Variants in SNTG1 observed in about 807,000 individuals in gnomAD.
The protein encoded by SNTG1 is syntrophin gamma 1, also known as gamma-1-syntrophin.
SNTG1 carries 39 observed loss-of-function variants against 74.7 expected under a neutral mutation model. That is an observed-to-expected ratio of 0.52 (90% CI 0.40 to 0.68). The LOEUF is 0.68. Ranked by LOEUF, SNTG1 falls within the 30% of genes least tolerant of loss-of-function variation. The pLI, the probability that SNTG1 is intolerant of heterozygous loss-of-function variation, is 0.00. For missense variants in SNTG1, 685 were observed against 609.5 expected (o/e 1.12, Z -1.30); for synonymous variants, 254 against 217.1 (o/e 1.17, Z -1.49).
chr8:50,507,928 T>C (rs1035789558), intron 9 of SNTG1, among the ~76,000 whole-genome samples: 2 of 150,890 alleles, frequency 1.3e-5, no homozygotes, highest in Admixed American at 6.6e-5. Context: ...TTTCTTTTTT[T>C]TTATTATACT....
intron 1 of SNTG1, among the ~76,000 whole-genome samples, chr8:50,110,452 C>T (rs1045861861): frequency 2.0e-5 from 3 of 152,164 alleles, no homozygotes; most frequent in African/African-American, 4.8e-5. Context: ...TGGTGAGCAA[C>T]ACTTGTGATT....
At chr8:50,781,238 A>T (rs1012718244) in intron 18 of SNTG1, among the ~76,000 whole-genome samples, 2 of 152,176 alleles carry the variant, frequency 1.3e-5, no homozygotes, top group African/African-American at 2.4e-5. Flanking sequence ...TGCAGAGCTG[A>T]GTTCAATTCC....
intron 1 of SNTG1, among the ~76,000 whole-genome samples, chr8:50,075,643 C>G (rs570366736): frequency 6.6e-5 from 10 of 152,284 alleles, no homozygotes; most frequent in African/African-American, 1.2e-4. Flanking sequence ...CGCTGTGGAG[C>G]TTTGTTCTTT....
chr8:50,735,558 A>G (rs879936070), intron 17 of SNTG1, among the ~76,000 whole-genome samples: 1 of 151,990 alleles, frequency 6.6e-6, no homozygotes, highest in Non-Finnish European at 1.5e-5. Flanking sequence ...TAAAGTGTGA[A>G]GACAAGATTA....
intron 1 of SNTG1, among the ~76,000 whole-genome samples, chr8:50,133,920 A>G (rs756576523): frequency 3.9e-5 from 6 of 152,210 alleles, no homozygotes; most frequent in Non-Finnish European, 5.9e-5. Context: ...ACTTCAATGT[A>G]ATTAACAAAA....
intron 16 of SNTG1, 133 bp downstream of exon 16, chr8:50,704,885 T>A: frequency 9.6e-7 from 1 of 1,046,370 alleles, no homozygotes; most frequent in Non-Finnish European, 1.4e-6. Context: ...ATTCTATAAT[T>A]AGCCATTTTT....
At chr8:50,734,312 C>T (rs2095520051) in intron 17 of SNTG1, among the ~76,000 whole-genome samples, 3 of 151,794 alleles carry the variant, frequency 2.0e-5, no homozygotes, top group African/African-American at 7.2e-5. Context: ...TAGAGACTGA[C>T]ATCTTCAGGA....
In SNTG1 at chr8:50,751,981, G is replaced by GT. The variant is rs11429292; in HGVS notation, c.1285-12dup. ...GATATTAATTCCACCGACTTACATTGTTTTTTTTCCCCCCTTTAGGCTGTC... is the reference window on the plus strand; with the variant it reads ...GATATTAATTCCACCGACTTACATTGTTTTTTTTTCCCCCCTTTAGGCTGTC... On this transcript the variant is annotated intron_variant, in intron 17 of 18. Transcript: ENST00000642720. The GT allele has an allele frequency of 0.33, 456,660 of 1,399,730 alleles. 78,378 individuals carry two copies. Among genetic ancestry groups the GT allele is most frequent in the African/African-American group, 0.6 (38,864 of 64,898 alleles). The allele number at this position is 1,399,730 out of a possible 1,614,324, so 86.7% of individuals were successfully genotyped here.
chr8:50,768,801 G>A (rs540958043), intron 18 of SNTG1, among the ~76,000 whole-genome samples: 15 of 152,120 alleles, frequency 9.9e-5, no homozygotes, highest in Non-Finnish European at 1.6e-4. Context: ...GGAGTGCTTC[G>A]TTCTGTAAAA....
intron 13 of SNTG1, among the ~76,000 whole-genome samples, chr8:50,642,241 G>A (rs2095078031): frequency 6.6e-6 from 1 of 152,102 alleles, no homozygotes; most frequent in South Asian, 2.1e-4. Flanking sequence ...ACTCTCTAAA[G>A]CCTTCCCTGC....
chr8:50,702,940 A>G (rs905880781), intron 15 of SNTG1, among the ~76,000 whole-genome samples: 1 of 152,238 alleles, frequency 6.6e-6, no homozygotes, highest in African/African-American at 2.4e-5. Flanking sequence ...GATTTAAAAA[A>G]AAAATGATAC....
intron 1 of SNTG1, among the ~76,000 whole-genome samples, chr8:50,056,499 T>A (rs1264120598): frequency 6.6e-6 from 1 of 152,178 alleles, no homozygotes; most frequent in Non-Finnish European, 1.5e-5. Context: ...GAGTTTGGAA[T>A]CATCTTTCAA....
chr8:50,639,679 TA>T (rs1174821754), intron 13 of SNTG1, among the ~76,000 whole-genome samples: 1 of 152,098 alleles, frequency 6.6e-6, no homozygotes, highest in Non-Finnish European at 1.5e-5. Flanking sequence ...ATGTACATTT[TA>T]AAAATACTTA....
intron 1 of SNTG1, among the ~76,000 whole-genome samples, chr8:50,049,831 G>A (rs1819416652): frequency 6.6e-6 from 1 of 151,924 alleles, no homozygotes. Flanking sequence ...AATGCTTACA[G>A]GTTAATCAAC....
intron 3 of SNTG1, among the ~76,000 whole-genome samples, chr8:50,396,959 G>T (rs933117686): frequency 2.6e-5 from 4 of 152,182 alleles, no homozygotes; most frequent in Admixed American, 1.3e-4. Flanking sequence ...TTGATTTGCA[G>T]AAAGCATAGC....
At chr8:49,972,274 T>C (rs1230218882) in intron 1 of SNTG1, among the ~76,000 whole-genome samples, 1 of 152,110 alleles carries the variant, frequency 6.6e-6, no homozygotes, top group Non-Finnish European at 1.5e-5. Context: ...GAAAGGATTC[T>C]CTATTTAATA....
chr8:50,005,211 A>G (rs1427667166), intron 1 of SNTG1, among the ~76,000 whole-genome samples: 2 of 152,122 alleles, frequency 1.3e-5, no homozygotes, highest in Admixed American at 6.6e-5. Flanking sequence ...TATACATTCT[A>G]AACTAGAAAA....
At chr8:50,275,246 T>C (rs1216233502) in intron 2 of SNTG1, among the ~76,000 whole-genome samples, 2 of 152,202 alleles carry the variant, frequency 1.3e-5, no homozygotes, top group African/African-American at 4.8e-5. Flanking sequence ...TCTAATAGTG[T>C]TTGTCTTTTA....
At position 49,931,870 on chromosome 8, in the gene SNTG1, G is replaced by A. The variant is rs76653464; in HGVS notation, c.-103+19639G>A. Reference sequence around the variant, plus strand: ...TTGTTTTTAGATGTATAGATATTAAGTAGCACCATGGTTGGAATAAGATGG... The same window carrying A: ...TTGTTTTTAGATGTATAGATATTAAATAGCACCATGGTTGGAATAAGATGG... On this transcript the variant is annotated intron_variant, in intron 1 of 18. Transcript: ENST00000642720. 2.7e-3 allele frequency among the ~76,000 whole-genome samples: 412 copies of A among 152,304 alleles called. 3 individuals carry two copies. Among genetic ancestry groups the A allele is most frequent in the African/African-American group, 9.4e-3 (389 of 41,570 alleles).
Sources: allele counts gnomAD v4.1 joint callset (sites outside exome capture counted in the v4.1 genomes callset), GRCh38; gene constraint gnomAD v4.1.1; transcripts MANE v1.5; gene names NCBI Gene and HGNC (gene_info 2026-07-23, HGNC 2026-07-21).